The following FBXL19 variants were observed in gnomAD, a reference collection of about 807,000 sequenced individuals.
The protein encoded by FBXL19 is F-box/LRR-repeat protein 19.
Under a neutral mutation model 71.2 loss-of-function variants are expected in FBXL19, and 16 were observed. The observed-to-expected ratio is 0.22, with a 90% CI of 0.15 to 0.34. FBXL19 has a LOEUF of 0.34. Ranked by LOEUF, FBXL19 falls within the 10% of genes least tolerant of loss-of-function variation. The pLI is 1.00. For missense variants in FBXL19, 658 were observed against 968.2 expected, an observed-to-expected ratio of 0.68 and a Z score of 4.25; for synonymous variants, 447 against 409.4, an observed-to-expected ratio of 1.09 and a Z score of -1.11.
intron 2 of FBXL19, among the ~76,000 whole-genome samples, chr16:30,926,897 A>G (rs1322757574): frequency 2.0e-5 from 3 of 152,158 alleles, no homozygotes; most frequent in Non-Finnish European, 2.9e-5. Flanking sequence ...TGGGCTGCTC[A>G]TGGAGCGACC....
In FBXL19 at chr16:30,925,622, C is replaced by G; in HGVS notation, c.-24-109C>G. On this transcript the variant is annotated intron_variant, in intron 1 of 10. Transcript: ENST00000338343. The surrounding 1 kb of genome is among the most constrained non-coding windows in gnomAD (Gnocchi z 5.0). ...AGAAGGGGGTGACCTCCTTGTCCCC[C>G]TGAGGAAGAGGGCAGGCTCTAGCTG... 8.1e-6 allele frequency: 10 copies of G among 1,231,792 alleles called. No homozygotes were observed. In the South Asian group the frequency reaches 1.8e-4, roughly 23 times the overall value. The allele number at this position is 1,231,792 out of a possible 1,614,324, so 76.3% of individuals were successfully genotyped here. A position where few individuals can be genotyped will look rare whatever the true frequency, so the allele number is the denominator to read the frequency against.
Position 30,925,833 on chromosome 16 carries a change from C to T in FBXL19, c.79C>T (p.Arg27Ter), listed in dbSNP as rs1174062143. The change falls in exon 2 of 11, where the codon CGA becomes TGA. Residue 27 changes from arginine (R) to a stop codon, truncating the protein, a stop_gained. Coordinates refer to ENST00000338343, the MANE Select transcript of FBXL19 (RefSeq NM_001382779.1). LOFTEE classifies it high-confidence loss of function. This position sits in a 1 kb window ranked among gnomAD's most constrained non-coding sequence, Gnocchi z 5.0. Reference protein sequence around the residue: ...TRCRRCRACVRTECGDCHFCR... With the variant: ...TRCRRCRACV ...CTGCCGCCGCTGCCGGGCCTGTGTG[C>T]GAACTGAGTGCGGGGATTGCCACTT... 6.6e-7 allele frequency: 1 copy of T among 1,512,942 alleles called. No homozygotes were observed. The highest frequency in any genetic ancestry group is 8.8e-7 in the Non-Finnish European group (1 of 1,134,252). 93.7% of individuals were successfully genotyped at this position (1,512,942 alleles called of 1,614,324 possible).
At chr16:30,943,422 T>G (rs1402769372) in intron 9 of FBXL19, among the ~76,000 whole-genome samples, 1 of 140,390 alleles carries the variant, frequency 7.1e-6, no homozygotes, top group Non-Finnish European at 1.5e-5. Flanking sequence ...TCGCCCAGGC[T>G]GGAGTGCAGT....
At chr16:30,932,939 C>T (rs534064566) in intron 7 of FBXL19, among the ~76,000 whole-genome samples, 6 of 148,820 alleles carry the variant, frequency 4.0e-5, no homozygotes, top group Admixed American at 6.8e-5. Context: ...CTTCCACGTT[C>T]AAGTGATTCT....
chr16:30,945,849 GAAAAAAAAAA>G lies in FBXL19; in HGVS notation c.1628-866_1628-857del, dbSNP rs11464927. ...TGACAGAGCAAGACTCCGTCTCGGGGAAAAAAAAAAAAAAAAAAAAAAAAGGAAAACGTAT... is the reference window on the plus strand; with the variant it reads ...TGACAGAGCAAGACTCCGTCTCGGGGAAAAAAAAAAAAAAGGAAAACGTAT... On this transcript the variant is annotated intron_variant, in intron 9 of 10. Transcript: ENST00000338343. Among the ~76,000 whole-genome samples, 109 of 86,828 alleles carry G rather than the reference GAAAAAAAAAA, an allele frequency of 1.3e-3. 1 individual carries two copies. The South Asian group carries it at 0.015, about 12-fold the overall frequency. The allele number at this position is 86,828 out of a possible 152,430, so 57.0% of individuals were successfully genotyped here.
At position 30,928,039 on chromosome 16, in the gene FBXL19, CTG is replaced by C. The variant is rs1288733373; in HGVS notation, c.627+81_627+82del. 4 of 1,019,640 alleles carry C rather than the reference CTG, an allele frequency of 3.9e-6. No homozygotes were observed. The East Asian group carries it at 1.1e-4, about 27-fold the overall frequency. The allele number at this position is 1,019,640 out of a possible 1,614,324, so 63.2% of individuals were successfully genotyped here. On this transcript the variant is annotated intron_variant, in intron 5 of 10. Coordinates refer to ENST00000338343, the MANE Select transcript of FBXL19 (RefSeq NM_001382779.1). ...TGTAGTCCTGGCTGGTTCTGTGGGG[CTG>C]TGTGGGCCTGGGAGCGTGCTCTGTG...
chr16:30,928,044 T>G, intron 5 of FBXL19, 81 bp downstream of exon 5: 1 of 1,003,538 alleles, frequency 1.0e-6, no homozygotes, highest in Non-Finnish European at 1.4e-6. Context: ...TGGGGCTGTG[T>G]GGGCCTGGGA....
intron 7 of FBXL19, among the ~76,000 whole-genome samples, chr16:30,932,839 CTTT>C (rs1188274971): frequency 3.1e-5 from 4 of 130,472 alleles, no homozygotes; most frequent in Non-Finnish European, 4.9e-5. Flanking sequence ...GCAATGATAA[CTTT>C]TTTTTTTTTT....
At chr16:30,928,852 T>G (rs961776152) in intron 6 of FBXL19, among the ~76,000 whole-genome samples, 1 of 152,198 alleles carries the variant, frequency 6.6e-6, no homozygotes, top group Non-Finnish European at 1.5e-5. Flanking sequence ...CTGACCTACT[T>G]GCCTCATCTT....
At chr16:30,932,484 C>G (rs1397603898) in intron 7 of FBXL19, among the ~76,000 whole-genome samples, 1 of 152,212 alleles carries the variant, frequency 6.6e-6, no homozygotes, top group Non-Finnish European at 1.5e-5. Context: ...TGGCCCGAAG[C>G]AGACAAAGCG....
chr16:30,927,884 C>T lies in FBXL19; in HGVS notation c.548C>T (p.Pro183Leu), dbSNP rs763328879. ...PRRKGPLPAG[P>L]PPEDVPGPPK... is the part of the protein sequence containing the mutation. ...CGCAAGGGCCCCCTGCCTGCCGGGC[C>T]CCCCCCGGAGGACGTGCCTGGGCCC... Residue 183 changes from proline (P) to leucine (L), a missense_variant, in exon 5 of 11, where the codon CCC becomes CTC. Around this residue, in one of 8 missense-constraint regions of FBXL19, gnomAD observed 447 missense variants for 515.4 expected, o/e 0.87. Transcript: ENST00000338343. The T allele has an allele frequency of 2.7e-5, 41 of 1,529,348 alleles. No individual in the cohort carries two copies. The highest frequency in any genetic ancestry group is 1.8e-4 in the Middle Eastern group (1 of 5,554). 94.7% of individuals were successfully genotyped at this position (1,529,348 alleles called of 1,614,324 possible). A position where few individuals can be genotyped will look rare whatever the true frequency, so the allele number is the denominator to read the frequency against.
Position 30,928,543 on chromosome 16 carries a change from G to A in FBXL19, c.704G>A (p.Gly235Asp), listed in dbSNP as rs747462560. 19 of 1,607,978 alleles carry A rather than the reference G, an allele frequency of 1.2e-5. No homozygotes were observed. The South Asian group carries it at 2.0e-4, about 17-fold the overall frequency. Residue 235 changes from glycine to aspartate, a missense_variant, in exon 6 of 11, where the codon GGC (glycine) becomes GAC (aspartate). Around this residue, in one of 8 missense-constraint regions of FBXL19, gnomAD observed 447 missense variants for 515.4 expected, o/e 0.87. Coordinates refer to ENST00000338343, the MANE Select transcript of FBXL19 (RefSeq NM_001382779.1). Reference protein sequence around the residue: ...ACLLRGSDPGGPGLLPPRVLN... With the variant: ...ACLLRGSDPGDPGLLPPRVLN... ...CTCCTCCGAGGATCGGACCCAGGCG[G>A]CCCGGGCCTGCTGCCCCCCAGGGTT...
Position 30,930,009 on chromosome 16 carries a change from G to A in FBXL19, c.790-64G>A, listed in dbSNP as rs1020420116. 3.2e-5 allele frequency: 50 copies of A among 1,547,296 alleles called. No individual in the cohort carries two copies. In the East Asian group the frequency reaches 7.2e-4, roughly 22 times the overall value. On this transcript the variant is annotated intron_variant, in intron 6 of 10. Transcript: ENST00000338343. The surrounding 1 kb of genome is among the most constrained non-coding windows in gnomAD (Gnocchi z 8.5). Reference sequence around the variant, plus strand: ...GCTGTTCATCCCCTGGTGACTCCTCGGGGTAGGGGGGTGGGAAAATGTATC... The same window carrying A: ...GCTGTTCATCCCCTGGTGACTCCTCAGGGTAGGGGGGTGGGAAAATGTATC...
At position 30,947,152 on chromosome 16, in the gene FBXL19, T is replaced by C. The variant is rs747885178; in HGVS notation, c.1947T>C (p.Ala649=). ...LRSCRQLSPE[A]CARLAAAGPP... ...CCTGCCGCCAGCTCTCACCCGAAGCTTGTGCCCGGCTGGCAGCTGCCGGGC... is the reference window on the plus strand; with the variant it reads ...CCTGCCGCCAGCTCTCACCCGAAGCCTGTGCCCGGCTGGCAGCTGCCGGGC... Residue 649 remains alanine, a synonymous_variant, in exon 11 of 11, where the codon GCT becomes GCC. Coordinates refer to ENST00000338343, the MANE Select transcript of FBXL19 (RefSeq NM_001382779.1). 6.2e-7 allele frequency: 1 copy of C among 1,600,236 alleles called. No homozygotes were observed. Among genetic ancestry groups the C allele is most frequent in the Admixed American group, 1.7e-5 (1 of 59,948 alleles).
At chr16:30,945,719 C>G (rs1476420785) in intron 9 of FBXL19, among the ~76,000 whole-genome samples, 1 of 148,102 alleles carries the variant, frequency 6.8e-6, no homozygotes, top group Non-Finnish European at 1.5e-5. Flanking sequence ...GGCCTGTAAT[C>G]CCAGCACTTT....
In FBXL19 at chr16:30,947,528, G is replaced by T. The variant is rs1014906464; in HGVS notation, c.*298G>T. 17 of 380,360 alleles carry T rather than the reference G, an allele frequency of 4.5e-5. No individual in the cohort carries two copies. The highest frequency in any genetic ancestry group is 2.0e-5 in the Non-Finnish European group (4 of 203,162). The allele number at this position is 380,360 out of a possible 1,614,324, so 23.6% of individuals were successfully genotyped here. A position where few individuals can be genotyped will look rare whatever the true frequency, so the allele number is the denominator to read the frequency against. ...GAGCCGAAGGGACGGTGGGAGGGGG[G>T]TTATGGTGCAAGTGTTGGGGGGGAG... On this transcript the variant is annotated 3_prime_UTR_variant, in exon 11 of 11. Coordinates refer to ENST00000338343, the MANE Select transcript of FBXL19 (RefSeq NM_001382779.1).
chr16:30,933,940 C>CG (rs1049378230), intron 7 of FBXL19, among the ~76,000 whole-genome samples: 7 of 151,258 alleles, frequency 4.6e-5, no homozygotes, highest in African/African-American at 1.7e-4. Flanking sequence ...TTAGTAAAAA[C>CG]GGGGGTTTCT....
rs2143305212 is a variant in FBXL19 at position 30,925,929 on chromosome 16, G to A, written c.175G>A (p.Ala59Thr). Residue 59 changes from alanine to threonine, a missense_variant and splice_region_variant, in exon 2 of 11, where the codon GCC (alanine) becomes ACC (threonine). Physicochemically the swap from Ala to Thr is moderately conservative, Grantham distance 58. Around this residue, in one of 8 missense-constraint regions of FBXL19, gnomAD observed 447 missense variants for 515.4 expected, o/e 0.87. Transcript: ENST00000338343. The surrounding 1 kb of genome is among the most constrained non-coding windows in gnomAD (Gnocchi z 5.0). ...GTCGTGCCTGCTCCGGCAGTGCACT[G>A]CCGTGAGTTCTGCCCCCACCTTTGG... ...KQSCLLRQCT[A>T]PVLPHTAVCL... 2 of 1,487,084 alleles carry A rather than the reference G, an allele frequency of 1.3e-6. No homozygotes were observed. The highest frequency in any genetic ancestry group is 1.5e-5 in the African/African-American group (1 of 68,326). The allele number at this position is 1,487,084 out of a possible 1,614,324, so 92.1% of individuals were successfully genotyped here.
Position 30,942,554 on chromosome 16 carries a change from T to C in FBXL19, c.1627+18T>C. On this transcript the variant is annotated intron_variant, in intron 9 of 10. Coordinates refer to ENST00000338343, the MANE Select transcript of FBXL19 (RefSeq NM_001382779.1). The surrounding 1 kb of genome is among the most constrained non-coding windows in gnomAD (Gnocchi z 5.7). ...CAAACCAGGTGCAACCTCTGTTTGCTTTTCTGGAGAATGGGCTGGGCAAGG... is the reference window on the plus strand; with the variant it reads ...CAAACCAGGTGCAACCTCTGTTTGCCTTTCTGGAGAATGGGCTGGGCAAGG... 6.4e-7 allele frequency: 1 copy of C among 1,561,458 alleles called. No individual in the cohort carries two copies.
Sources: gnomAD v4.1 joint callset for allele counts (sites outside exome capture counted in the v4.1 genomes callset) on GRCh38, gnomAD v4.1.1 for gene constraint, gnomAD v4.1.1 regional missense constraint, Gnocchi (gnomAD v3.1) non-coding constraint, MANE v1.5 for transcripts, NCBI Gene and HGNC (gene_info 2026-07-23, HGNC 2026-07-21) for gene names.